Variants in CPQ observed in about 807,000 individuals in gnomAD.
CPQ encodes the protein Ser-Met dipeptidase.
In CPQ, 37 loss-of-function variants were observed where a neutral mutation model predicts 45.7. The ratio of observed to expected loss-of-function variants is 0.81; its 90% confidence interval spans 0.62 to 1.07. The LOEUF (loss-of-function observed/expected upper bound fraction) is 1.07. CPQ is among the 50% of genes least tolerant of loss of function. The probability of loss-of-function intolerance (pLI) is 0.00; values close to 1 mark genes in which losing one functional copy is unlikely to be tolerated. For synonymous variants in CPQ, 186 were observed against 205.8 expected, an observed-to-expected ratio of 0.90 and a Z score of 0.82; for missense variants, 537 against 572.9, an observed-to-expected ratio of 0.94 and a Z score of 0.64.
intron 5 of CPQ, among the ~76,000 whole-genome samples, chr8:97,004,349 TG>T (rs1194572565): frequency 2.0e-5 from 3 of 149,138 alleles, no homozygotes; most frequent in African/African-American, 7.4e-5. Context: ...AACACTGAAA[TG>T]ACACTTGTAG....
At chr8:96,847,893 C>CTT (rs3036452) in intron 3 of CPQ, among the ~76,000 whole-genome samples, 48 of 67,348 alleles carry the variant, frequency 7.1e-4, no homozygotes, top group East Asian at 1.1e-3. Context: ...ATGAAAAGAG[C>CTT]TTTTTTTTTT....
intron 7 of CPQ, among the ~76,000 whole-genome samples, chr8:97,088,143 G>A (rs945284978): frequency 6.6e-6 from 1 of 152,172 alleles, no homozygotes; most frequent in Admixed American, 6.5e-5. Context: ...TGTTTGCCCT[G>A]AAAATATTAA....
At position 96,785,324 on chromosome 8, in the gene CPQ, C is replaced by G; in HGVS notation, c.427C>G (p.Pro143Ala). 1 of 1,590,516 alleles carries G rather than the reference C, an allele frequency of 6.3e-7. No individual in the cohort carries two copies. Among genetic ancestry groups the G allele is most frequent in the Non-Finnish European group, 8.6e-7 (1 of 1,167,718 alleles). The change falls in exon 2 of 8, where the codon CCA becomes GCA. Residue 143 changes from proline to alanine, a missense_variant. Transcript: ENST00000220763. Reference protein sequence around the residue: ...LGLGSSIGTPPEGITAEVLVV... With the variant: ...LGLGSSIGTPAEGITAEVLVV... ...TCTTGGCAGCAGCATTGGGACTCCTCCAGAAGGTATTGTTTGTCTTTTCAG... is the reference window on the plus strand; with the variant it reads ...TCTTGGCAGCAGCATTGGGACTCCTGCAGAAGGTATTGTTTGTCTTTTCAG...
chr8:96,841,446 T>G (rs1811607360), intron 3 of CPQ, among the ~76,000 whole-genome samples: 1 of 152,250 alleles, frequency 6.6e-6, no homozygotes, highest in South Asian at 2.1e-4. Flanking sequence ...GTAACTCTAC[T>G]GAGGCCAAAC....
intron 1 of CPQ, among the ~76,000 whole-genome samples, chr8:96,682,130 G>A (rs2464485): frequency 0.65 from 99,416 of 151,888 alleles, 32,825 homozygotes; most frequent in Middle Eastern, 0.71. Flanking sequence ...GGCATGATTT[G>A]TTTTGAAATA....
intron 1 of CPQ, among the ~76,000 whole-genome samples, chr8:96,764,153 T>G (rs1810439660): frequency 6.6e-6 from 1 of 152,192 alleles, no homozygotes; most frequent in South Asian, 2.1e-4. Context: ...AATAAGTGAT[T>G]GGATAAATGA....
intron 5 of CPQ, among the ~76,000 whole-genome samples, chr8:96,995,423 G>T (rs1809161494): frequency 6.6e-6 from 1 of 151,958 alleles, no homozygotes. Context: ...AATAATAAAT[G>T]CAGAAGAAGC....
intron 7 of CPQ, among the ~76,000 whole-genome samples, chr8:97,118,567 A>G (rs1350092502): frequency 6.6e-6 from 1 of 152,206 alleles, no homozygotes; most frequent in Non-Finnish European, 1.5e-5. Context: ...AAAAACCTAC[A>G]TAGCAGGGTT....
chr8:96,732,869 C>T (rs187212278), intron 1 of CPQ, among the ~76,000 whole-genome samples: 6 of 152,130 alleles, frequency 3.9e-5, no homozygotes, highest in African/African-American at 1.4e-4. Context: ...AAGGCTATGC[C>T]CTTTAGAATT....
At chr8:96,805,169 A>G (rs1418546738) in intron 2 of CPQ, among the ~76,000 whole-genome samples, 2 of 152,238 alleles carry the variant, frequency 1.3e-5, no homozygotes, top group East Asian at 1.9e-4. Flanking sequence ...TAATATATGT[A>G]GAACTTTGAA....
intron 7 of CPQ, among the ~76,000 whole-genome samples, chr8:97,101,822 G>T (rs1200595068): frequency 6.6e-6 from 1 of 151,544 alleles, no homozygotes. Flanking sequence ...CATAAATGCA[G>T]GACTTAAATG....
intron 4 of CPQ, among the ~76,000 whole-genome samples, chr8:96,947,034 G>A (rs1161898137): frequency 6.6e-6 from 1 of 152,156 alleles, no homozygotes; most frequent in Non-Finnish European, 1.5e-5. Flanking sequence ...CAGAGCCATT[G>A]TCTGTCAAGT....
intron 7 of CPQ, among the ~76,000 whole-genome samples, chr8:97,139,468 A>G (rs1191713961): frequency 6.6e-6 from 1 of 152,174 alleles, no homozygotes; most frequent in Non-Finnish European, 1.5e-5. Flanking sequence ...ATACACATGG[A>G]ATATTTACAA....
chr8:97,119,029 G>C (rs1447237268), intron 7 of CPQ, among the ~76,000 whole-genome samples: 4 of 152,088 alleles, frequency 2.6e-5, no homozygotes, highest in Non-Finnish European at 5.9e-5. Flanking sequence ...ACCCTGAAAT[G>C]TAAGATTGAT....
intron 4 of CPQ, among the ~76,000 whole-genome samples, chr8:96,931,169 C>T (rs1812970113): frequency 6.6e-6 from 1 of 152,230 alleles, no homozygotes; most frequent in Non-Finnish European, 1.5e-5. Context: ...CAAGCCTCCA[C>T]TTACAGAGTA....
chr8:96,762,372 TA>T (rs1810415958), intron 1 of CPQ, among the ~76,000 whole-genome samples: 1 of 152,182 alleles, frequency 6.6e-6, no homozygotes, highest in African/African-American at 2.4e-5. Flanking sequence ...TGTGTGAATG[TA>T]AATAATACCT....
At chr8:96,996,521 T>C (rs1274014211) in intron 5 of CPQ, among the ~76,000 whole-genome samples, 1 of 152,066 alleles carries the variant, frequency 6.6e-6, no homozygotes, top group African/African-American at 2.4e-5. Flanking sequence ...GTAAAGAGGG[T>C]ACAAAATCTG....
chr8:96,782,905 G>A (rs1810708569), intron 1 of CPQ, among the ~76,000 whole-genome samples: 1 of 152,106 alleles, frequency 6.6e-6, no homozygotes, highest in Non-Finnish European at 1.5e-5. Flanking sequence ...TAATAACAAG[G>A]ATAGCCTTTA....
intron 1 of CPQ, among the ~76,000 whole-genome samples, chr8:96,765,224 G>A (rs560150714): frequency 5.9e-5 from 9 of 152,334 alleles, no homozygotes; most frequent in Admixed American, 3.9e-4. Context: ...GTCAAGTCAT[G>A]TATTTTCTAG....
Sources: gnomAD v4.1 joint callset for allele counts (sites outside exome capture counted in the v4.1 genomes callset) on GRCh38, gnomAD v4.1.1 for gene constraint, MANE v1.5 for transcripts, NCBI Gene and HGNC (gene_info 2026-07-23, HGNC 2026-07-21) for gene names.